Variants in CDH4 observed in about 807,000 individuals in gnomAD.
CDH4 encodes the protein cadherin 4.
A neutral mutation model predicts 86.0 loss-of-function variants in CDH4; 33 were observed. That is an observed-to-expected ratio of 0.38 (90% CI 0.29 to 0.51). The LOEUF is 0.51. Among genes scored for constraint, CDH4 ranks in the 20% least tolerant of loss-of-function variants. The pLI is 0.86. For synonymous variants in CDH4, 555 were observed against 549.4 expected (o/e 1.01, Z -0.14); for missense variants, 1,114 against 1,307.4 (o/e 0.85, Z 2.28).
chr20:61,761,737 G>A (rs974701586), intron 3 of CDH4, among the ~76,000 whole-genome samples: 2 of 152,200 alleles, frequency 1.3e-5, no homozygotes, highest in African/African-American at 4.8e-5. Flanking sequence ...ATAACGCGCA[G>A]AAGACGCCGT....
chr20:61,782,565 C>T (rs1811528034), intron 4 of CDH4, among the ~76,000 whole-genome samples: 1 of 152,116 alleles, frequency 6.6e-6, no homozygotes, highest in Non-Finnish European at 1.5e-5. Context: ...AAAAGTACAG[C>T]ATTGTATTAG....
intron 3 of CDH4, among the ~76,000 whole-genome samples, chr20:61,752,256 C>T (rs550522541): frequency 2.0e-5 from 3 of 147,714 alleles, no homozygotes; most frequent in African/African-American, 5.0e-5. Context: ...CACTTGAGCC[C>T]GAGAGGTAGA....
At chr20:61,632,838 C>CCCCACACT (rs2086905511) in intron 2 of CDH4, among the ~76,000 whole-genome samples, 1 of 108,206 alleles carries the variant, frequency 9.2e-6, no homozygotes, top group East Asian at 3.4e-4. Flanking sequence ...CTCCTCCTCT[C>CCCCACACT]CCCACCCTCC....
chr20:61,508,185 C>T (rs971344959), intron 2 of CDH4, among the ~76,000 whole-genome samples: 4 of 152,196 alleles, frequency 2.6e-5, no homozygotes, highest in African/African-American at 7.2e-5. Flanking sequence ...GAGACATTGC[C>T]GCCTCCTAAG....
intron 6 of CDH4, among the ~76,000 whole-genome samples, chr20:61,865,111 C>T (rs1983488957): frequency 6.6e-6 from 1 of 152,144 alleles, no homozygotes; most frequent in Admixed American, 6.5e-5. Flanking sequence ...CCACCCCTGC[C>T]CCTGCCCCCC....
chr20:61,841,171 G>A (rs570328833), intron 4 of CDH4, among the ~76,000 whole-genome samples: 1 of 152,320 alleles, frequency 6.6e-6, no homozygotes, highest in East Asian at 1.9e-4. Context: ...GTGCCACTCA[G>A]CCACTCGAGC....
At chr20:61,281,683 C>T (rs1381748412) in intron 2 of CDH4, among the ~76,000 whole-genome samples, 2 of 152,194 alleles carry the variant, frequency 1.3e-5, no homozygotes, top group African/African-American at 4.8e-5. Context: ...AGGATAAATC[C>T]TCAGTGTTGG....
chr20:61,528,764 T>C (rs559070869), intron 2 of CDH4, among the ~76,000 whole-genome samples: 14 of 152,038 alleles, frequency 9.2e-5, no homozygotes, highest in Non-Finnish European at 1.5e-5. Flanking sequence ...GCTGGAAGCA[T>C]GGCGGGGTTG....
chr20:61,558,756 G>A (rs75635296), intron 2 of CDH4, among the ~76,000 whole-genome samples: 2,787 of 152,330 alleles, frequency 0.018, 51 homozygotes, highest in African/African-American at 0.05. Context: ...AATACTCATT[G>A]TAGTAACAAG....
At chr20:61,458,365 G>A (rs1278031011) in intron 2 of CDH4, among the ~76,000 whole-genome samples, 1 of 141,152 alleles carries the variant, frequency 7.1e-6, no homozygotes, top group Non-Finnish European at 1.6e-5. Flanking sequence ...CGCTGTGGTG[G>A]TCATGGTGGT....
intron 5 of CDH4, among the ~76,000 whole-genome samples, chr20:61,850,823 A>G (rs1182132536): frequency 6.6e-6 from 1 of 152,152 alleles, no homozygotes; most frequent in African/African-American, 2.4e-5. Context: ...GGAGATTTCT[A>G]CAGGAGCTGT....
chr20:61,349,022 CA>C (rs1478586639), intron 2 of CDH4, among the ~76,000 whole-genome samples: 29 of 152,216 alleles, frequency 1.9e-4, no homozygotes. Flanking sequence ...CATTGTGCCG[CA>C]ATTGTTCCTT....
At chr20:61,454,132 C>T (rs533459817) in intron 2 of CDH4, among the ~76,000 whole-genome samples, 2 of 152,324 alleles carry the variant, frequency 1.3e-5, no homozygotes, top group South Asian at 4.1e-4. Context: ...GACCTGTGTG[C>T]ACTCTGATGA....
At chr20:61,809,249 T>C (rs1488481662) in intron 4 of CDH4, among the ~76,000 whole-genome samples, 1 of 152,014 alleles carries the variant, frequency 6.6e-6, no homozygotes, top group Non-Finnish European at 1.5e-5. Flanking sequence ...GTCCCGGGGA[T>C]GGTCAGCGGC....
At chr20:61,397,595 T>C (rs919476364) in intron 2 of CDH4, among the ~76,000 whole-genome samples, 9 of 152,186 alleles carry the variant, frequency 5.9e-5, no homozygotes, top group African/African-American at 2.2e-4. Context: ...TTGTAAATCC[T>C]GTCATTTTCT....
intron 2 of CDH4, among the ~76,000 whole-genome samples, chr20:61,665,675 T>C (rs2087315200): frequency 6.6e-6 from 1 of 152,212 alleles, no homozygotes; most frequent in Non-Finnish European, 1.5e-5. Flanking sequence ...CTCATGTTTA[T>C]TCATTTTTGA....
chr20:61,595,165 T>C (rs1040575539), intron 2 of CDH4, among the ~76,000 whole-genome samples: 1 of 152,184 alleles, frequency 6.6e-6, no homozygotes, highest in African/African-American at 2.4e-5. Context: ...AGCACAAAAC[T>C]GTAGGCCCTT....
intron 2 of CDH4, among the ~76,000 whole-genome samples, chr20:61,391,447 C>T (rs1425935852): frequency 6.6e-6 from 1 of 152,128 alleles, no homozygotes; most frequent in Non-Finnish European, 1.5e-5. Flanking sequence ...CTGCGCCCTC[C>T]GAACCGCTTT....
intron 2 of CDH4, among the ~76,000 whole-genome samples, chr20:61,484,104 C>A (rs1246331847): frequency 6.6e-6 from 1 of 152,022 alleles, no homozygotes; most frequent in African/African-American, 2.4e-5. Context: ...ACTTAGTTGG[C>A]CAGGCTTCAG....
Sources: allele counts gnomAD v4.1 joint callset (sites outside exome capture counted in the v4.1 genomes callset), GRCh38; gene constraint gnomAD v4.1.1; transcripts MANE v1.5; gene names NCBI Gene and HGNC (gene_info 2026-07-23, HGNC 2026-07-21).